The following VPS41 variants were observed in gnomAD, a reference collection of about 807,000 sequenced individuals.
The protein encoded by VPS41 is vacuolar protein sorting-associated protein 41 homolog.
In VPS41, 85 loss-of-function variants were observed where a neutral mutation model predicts 130.9. That is an observed-to-expected ratio of 0.65 (90% CI 0.55 to 0.78). The LOEUF is 0.78. Ranked by LOEUF, VPS41 falls within the 30% of genes least tolerant of loss-of-function variation. The pLI is 0.00. For synonymous variants in VPS41, 335 were observed against 332.9 expected (o/e 1.01, Z -0.07); for missense variants, 874 against 1,018.7 (o/e 0.86, Z 1.93).
chr7:38,886,430 C>T (rs1322324015), intron 2 of VPS41, among the ~76,000 whole-genome samples: 3 of 152,178 alleles, frequency 2.0e-5, no homozygotes, highest in African/African-American at 4.8e-5. Context: ...CCTGGGATGC[C>T]GGAGCTTGGT....
rs113369541 is a variant in VPS41, at chr7:38,766,269, G to C, written c.1248-608C>G. 1.4e-3 allele frequency among the ~76,000 whole-genome samples: 220 copies of C among 152,274 alleles called. 1 individual carries two copies. The highest frequency in any genetic ancestry group is 6.0e-3 in the South Asian group (29 of 4,830). On this transcript the variant is annotated intron_variant, in intron 15 of 28. Transcript: ENST00000310301. ...CAGCGGGCACTGCCAGTTCCAGTGG[G>C]AACCCCTCACACAGACTTGCACACC...
At chr7:38,887,684 CA>C (rs769294135) in intron 2 of VPS41, among the ~76,000 whole-genome samples, 3 of 152,062 alleles carry the variant, frequency 2.0e-5, no homozygotes, top group Non-Finnish European at 4.4e-5. Context: ...GAGAACACCA[CA>C]AAGATACTCC....
chr7:38,869,054 A>C, intron 3 of VPS41, 92 bp downstream of exon 3: 1 of 950,738 alleles, frequency 1.1e-6, no homozygotes, highest in South Asian at 1.7e-5. Flanking sequence ...TCACTGTAAA[A>C]AGCCACCACC....
chr7:38,767,128 T>C (rs1266401650), intron 15 of VPS41, among the ~76,000 whole-genome samples: 1 of 152,166 alleles, frequency 6.6e-6, no homozygotes, highest in Non-Finnish European at 1.5e-5. Context: ...ACTATTGTTG[T>C]AGCAGTACCT....
At chr7:38,773,517 T>C (rs1784195210) in intron 12 of VPS41, among the ~76,000 whole-genome samples, 1 of 152,198 alleles carries the variant, frequency 6.6e-6, no homozygotes, top group Admixed American at 6.5e-5. Context: ...CCTACAAAGC[T>C]GAACTGTTCT....
chr7:38,875,222 A>G (rs1786467860), intron 2 of VPS41, among the ~76,000 whole-genome samples: 1 of 152,192 alleles, frequency 6.6e-6, no homozygotes, highest in Non-Finnish European at 1.5e-5. Context: ...GGAGCTACAT[A>G]TTATTGGATA....
At chr7:38,754,213 C>G (rs1033877207) in intron 21 of VPS41, among the ~76,000 whole-genome samples, 1 of 152,156 alleles carries the variant, frequency 6.6e-6, no homozygotes, top group Non-Finnish European at 1.5e-5. Context: ...GCCCTTTTAT[C>G]GCTCTGTGGT....
rs1795969602 is a variant in VPS41 at position 38,745,544 on chromosome 7, A to G, written c.1981+15T>C. The G allele has an allele frequency of 6.2e-7, 1 of 1,606,930 alleles. No individual in the cohort carries two copies. Among genetic ancestry groups the G allele is most frequent in the Non-Finnish European group, 8.5e-7 (1 of 1,174,964 alleles). ...TCTTAGTTTATGGGGACCAAAATGAATAAAAGCTACTTACTCAGAAGATAA... is the reference window on the plus strand; with the variant it reads ...TCTTAGTTTATGGGGACCAAAATGAGTAAAAGCTACTTACTCAGAAGATAA... On this transcript the variant is annotated intron_variant, in intron 23 of 28. Coordinates refer to ENST00000310301, the MANE Select transcript of VPS41 (RefSeq NM_014396.4).
chr7:38,859,795 C>T (rs973645921), intron 4 of VPS41, among the ~76,000 whole-genome samples: 14 of 152,092 alleles, frequency 9.2e-5, no homozygotes, highest in Admixed American at 9.2e-4. Flanking sequence ...GCATAAATAT[C>T]GTGGGAATTT....
chr7:38,805,026 G>A (rs539731541), intron 7 of VPS41, among the ~76,000 whole-genome samples: 1 of 152,338 alleles, frequency 6.6e-6, no homozygotes, highest in South Asian at 2.1e-4. Flanking sequence ...TAACAGAAAA[G>A]TCATCCACTG....
intron 22 of VPS41, 119 bp downstream of exon 22, chr7:38,752,057 A>C (rs1783684513): frequency 7.1e-7 from 1 of 1,405,298 alleles, no homozygotes; most frequent in African/African-American, 1.4e-5. Flanking sequence ...TGAGAGCAAC[A>C]GTCTTCCCCC....
intron 4 of VPS41, among the ~76,000 whole-genome samples, chr7:38,837,667 G>A (rs1311703073): frequency 6.6e-6 from 1 of 152,174 alleles, no homozygotes; most frequent in Non-Finnish European, 1.5e-5. Flanking sequence ...GGGTAGATTT[G>A]GCTGTCAGGA....
intron 9 of VPS41, 142 bp from the exon 10 acceptor site, chr7:38,790,009 A>T: frequency 1.4e-6 from 1 of 710,358 alleles, no homozygotes; most frequent in Non-Finnish European, 2.3e-6. Flanking sequence ...TAAATGACAG[A>T]AATTAATGTA....
chr7:38,791,249 C>G (rs1479251664), intron 9 of VPS41, among the ~76,000 whole-genome samples: 1 of 152,190 alleles, frequency 6.6e-6, no homozygotes, highest in Non-Finnish European at 1.5e-5. Flanking sequence ...CCCACACTTA[C>G]TAGGGAAACT....
chr7:38,901,121 A>T (rs907765478), intron 1 of VPS41, among the ~76,000 whole-genome samples: 6 of 152,222 alleles, frequency 3.9e-5, no homozygotes, highest in African/African-American at 1.4e-4. Flanking sequence ...AAAGTGAAAT[A>T]AGCAAGACAC....
intron 4 of VPS41, among the ~76,000 whole-genome samples, chr7:38,860,316 T>C (rs754668525): frequency 5.3e-5 from 8 of 152,154 alleles, no homozygotes; most frequent in Admixed American, 1.3e-4. Context: ...GTTACTGAGG[T>C]ACAACTTATA....
At chr7:38,841,114 C>T (rs902761841) in intron 4 of VPS41, among the ~76,000 whole-genome samples, 1 of 152,084 alleles carries the variant, frequency 6.6e-6, no homozygotes, top group East Asian at 1.9e-4. Context: ...TGAATAAGTA[C>T]CTAGGAAGAA....
intron 7 of VPS41, among the ~76,000 whole-genome samples, chr7:38,800,341 A>G (rs1784701418): frequency 6.6e-6 from 1 of 152,254 alleles, no homozygotes; most frequent in Admixed American, 6.5e-5. Flanking sequence ...TATAAAATCT[A>G]AAAGATACAT....
At chr7:38,758,042 T>C (rs1783837540) in intron 18 of VPS41, among the ~76,000 whole-genome samples, 1 of 152,184 alleles carries the variant, frequency 6.6e-6, no homozygotes, top group African/African-American at 2.4e-5. Context: ...ATCCAGAGCC[T>C]TGCTCATTGG....
Sources: gnomAD v4.1 joint callset for allele counts (sites outside exome capture counted in the v4.1 genomes callset) on GRCh38, gnomAD v4.1.1 for gene constraint, MANE v1.5 for transcripts, NCBI Gene and HGNC (gene_info 2026-07-23, HGNC 2026-07-21) for gene names.